The following KHDRBS2 variants were observed in gnomAD, a reference collection of about 807,000 sequenced individuals.
KHDRBS2 encodes KH RNA binding domain containing, signal transduction associated 2.
Under a neutral mutation model 44.3 loss-of-function variants are expected in KHDRBS2, and 26 were observed. The ratio of observed to expected loss-of-function variants is 0.59; its 90% CI spans 0.43 to 0.81. KHDRBS2 has a LOEUF of 0.81. Among genes scored for constraint, KHDRBS2 ranks in the 40% least tolerant of loss-of-function variants. The pLI is 0.00. For missense variants in KHDRBS2, 476 were observed against 433.1 expected, an observed-to-expected ratio of 1.10 and a Z score of -0.88; for synonymous variants, 194 against 151.1, an observed-to-expected ratio of 1.28 and a Z score of -2.08.
intron 2 of KHDRBS2, among the ~76,000 whole-genome samples, chr6:62,105,851 T>A (rs1803112235): frequency 1.3e-5 from 2 of 152,168 alleles, no homozygotes; most frequent in African/African-American, 4.8e-5. Flanking sequence ...GCTTTTCGAG[T>A]TCTTTTAATT....
rs556804777 is a variant in KHDRBS2, at chr6:61,857,452, AT to A, written c.810+37182del. On this transcript the variant is annotated intron_variant, in intron 6 of 8. Transcript: ENST00000281156. ...GAAATGGGCATGTATGGTGGAGGAA[AT>A]TTTTTTTTTCAAATCAAGGCTGGCA... Among the ~76,000 whole-genome samples, 55 of 150,620 alleles carry A rather than the reference AT, an allele frequency of 3.7e-4. No homozygotes were observed. The South Asian group carries it at 8.0e-3, about 22-fold the overall frequency.
chr6:61,655,899 C>T, the KHDRBS2 span, among the ~76,000 whole-genome samples: 1 of 151,926 alleles, frequency 6.6e-6, no homozygotes, highest in Admixed American at 6.6e-5. Context: ...CATTTAGTGA[C>T]CAGAGGTATT....
intron 6 of KHDRBS2, among the ~76,000 whole-genome samples, chr6:61,756,984 CA>C (rs1461188886): frequency 6.6e-6 from 1 of 152,192 alleles, no homozygotes; most frequent in Middle Eastern, 3.2e-3. Context: ...ACATTTTTTA[CA>C]GTTACCTGCT....
chr6:62,179,735 T>G (rs1821874412), intron 1 of KHDRBS2, among the ~76,000 whole-genome samples: 1 of 151,854 alleles, frequency 6.6e-6, no homozygotes, highest in South Asian at 2.1e-4. Flanking sequence ...TAGGCTTTTT[T>G]AGACATCTGC....
chr6:61,600,375 G>A, the KHDRBS2 span, among the ~76,000 whole-genome samples: 1 of 152,138 alleles, frequency 6.6e-6, no homozygotes, highest in East Asian at 1.9e-4. Flanking sequence ...ACATTACCAT[G>A]TGAAATTCCT....
chr6:61,583,510 T>C, the KHDRBS2 span, among the ~76,000 whole-genome samples: 458 of 151,848 alleles, frequency 3.0e-3, 3 homozygotes, highest in African/African-American at 0.011. Context: ...TTTGACATCA[T>C]TGTTAAAGTT....
chr6:61,901,131 G>A, intron 5 of KHDRBS2, 113 bp downstream of exon 5: 1 of 954,652 alleles, frequency 1.0e-6, no homozygotes, highest in Non-Finnish European at 1.6e-6. Context: ...TTGCTGTGGT[G>A]GTAGTGATTG....
chr6:62,180,178 A>G (rs1821965944), intron 1 of KHDRBS2, among the ~76,000 whole-genome samples: 1 of 151,920 alleles, frequency 6.6e-6, no homozygotes, highest in African/African-American at 2.4e-5. Context: ...TATTCAACGT[A>G]CTACTGGAAG....
At chr6:61,813,545 CTAA>C (rs1371329257) in intron 6 of KHDRBS2, among the ~76,000 whole-genome samples, 1 of 152,064 alleles carries the variant, frequency 6.6e-6, no homozygotes, top group Admixed American at 6.6e-5. Context: ...TTTAAGTAAG[CTAA>C]TATTAGAAGA....
chr6:61,746,047 AG>A (rs879469128), intron 6 of KHDRBS2, among the ~76,000 whole-genome samples: 3,780 of 129,650 alleles, frequency 0.029, 85 homozygotes, highest in Middle Eastern at 0.091. Context: ...ATTTTATTTT[AG>A]TTTAGTTTAG....
At chr6:61,889,802 C>A (rs1287693855) in intron 6 of KHDRBS2, among the ~76,000 whole-genome samples, 1 of 152,230 alleles carries the variant, frequency 6.6e-6, no homozygotes, top group Admixed American at 6.5e-5. Context: ...TTTGCTACCT[C>A]TCCCTCACAC....
chr6:62,004,426 A>G (rs1778847145), intron 3 of KHDRBS2, among the ~76,000 whole-genome samples: 1 of 152,162 alleles, frequency 6.6e-6, no homozygotes, highest in East Asian at 1.9e-4. Context: ...ATTCCTGGAG[A>G]CATACACCCT....
chr6:62,089,067 C>G (rs1269668067), intron 2 of KHDRBS2, among the ~76,000 whole-genome samples: 1 of 152,054 alleles, frequency 6.6e-6, no homozygotes, highest in Admixed American at 6.5e-5. Flanking sequence ...GGACTCTCCT[C>G]CCCTCACCAA....
At chr6:61,618,139 G>A in the KHDRBS2 span, among the ~76,000 whole-genome samples, 1 of 152,112 alleles carries the variant, frequency 6.6e-6, no homozygotes, top group Non-Finnish European at 1.5e-5. Context: ...CACTTTTGAA[G>A]GCAAATCAGT....
chr6:61,772,651 T>G (rs1781146775), intron 6 of KHDRBS2, among the ~76,000 whole-genome samples: 1 of 151,850 alleles, frequency 6.6e-6, no homozygotes, highest in Admixed American at 6.6e-5. Context: ...TTATTTTATT[T>G]TATTATACTT....
At chr6:62,002,362 T>C (rs1252224514) in intron 3 of KHDRBS2, among the ~76,000 whole-genome samples, 1 of 151,968 alleles carries the variant, frequency 6.6e-6, no homozygotes, top group Admixed American at 6.6e-5. Flanking sequence ...ATTTATTATA[T>C]ATCTGTGCAT....
At chr6:61,737,534 C>T (rs959349003) in intron 6 of KHDRBS2, among the ~76,000 whole-genome samples, 1 of 152,018 alleles carries the variant, frequency 6.6e-6, no homozygotes, top group African/African-American at 2.4e-5. Context: ...ACACTGCATC[C>T]TACATGTTAA....
intron 1 of KHDRBS2, among the ~76,000 whole-genome samples, chr6:62,183,362 T>C (rs1027714296): frequency 9.2e-5 from 14 of 151,786 alleles, no homozygotes; most frequent in African/African-American, 3.1e-4. Flanking sequence ...ATAAATGAAG[T>C]GTTTCCCAGT....
At position 61,828,763 on chromosome 6, in the gene KHDRBS2, C is replaced by T. The variant is rs75254891; in HGVS notation, c.810+65872G>A. On this transcript the variant is annotated intron_variant, in intron 6 of 8. Transcript: ENST00000281156. ...ATTTGTCACAAGATTTTACACTGAC[C>T]ATCATAAGACCTTTGATGGCAGATA... is the stretch of plus-strand genomic sequence containing the variant. Among the ~76,000 whole-genome samples the T allele has an allele frequency of 9.2e-3, 1,401 of 152,256 alleles. 24 individuals carry two copies. The highest frequency in any genetic ancestry group is 0.032 in the African/African-American group (1,318 of 41,534).
Sources: allele counts gnomAD v4.1 joint callset (sites outside exome capture counted in the v4.1 genomes callset), GRCh38; gene constraint gnomAD v4.1.1; transcripts MANE v1.5; gene names NCBI Gene and HGNC (gene_info 2026-07-23, HGNC 2026-07-21).